TBCD: variants seen among roughly 807,000 people sequenced by gnomAD.
TBCD encodes tubulin-specific chaperone D.
A neutral mutation model predicts 169.3 loss-of-function variants in TBCD; 105 were observed. That is an observed-to-expected ratio of 0.62 (90% CI 0.53 to 0.73). The LOEUF (loss-of-function observed/expected upper bound fraction) is 0.73, where lower values mean the gene tolerates loss of function less well. TBCD is among the 30% of genes least tolerant of loss of function. The pLI, the probability that TBCD is intolerant of heterozygous loss-of-function variation, is 0.00. For missense variants in TBCD, 1,444 were observed against 1,600.1 expected, an observed-to-expected ratio of 0.90 and a Z score of 1.66; for synonymous variants, 700 against 643.9, an observed-to-expected ratio of 1.09 and a Z score of -1.32.
rs2051280325 is a variant in TBCD at position 82,809,620 on chromosome 17, T to A, written c.1149-88T>A. 5.8e-6 allele frequency: 8 copies of A among 1,371,938 alleles called. No individual in the cohort carries two copies. In the South Asian group the frequency reaches 1.0e-4, roughly 17 times the overall value. The allele number at this position is 1,371,938 out of a possible 1,614,324, so 85.0% of individuals were successfully genotyped here. On this transcript the variant is annotated intron_variant, in intron 11 of 38. Coordinates refer to ENST00000355528, the MANE Select transcript of TBCD (RefSeq NM_005993.5). Reference sequence around the variant, plus strand: ...CTCTCCTGGTCTCTGGAGGAAAGGATGGGTGTTCAGGCCATTCACACGTGT... The same window carrying A: ...CTCTCCTGGTCTCTGGAGGAAAGGAAGGGTGTTCAGGCCATTCACACGTGT...
chr17:82,766,559 T>C (rs2048027323), intron 4 of TBCD, among the ~76,000 whole-genome samples, 191 bp downstream of exon 4: 1 of 152,198 alleles, frequency 6.6e-6, no homozygotes, highest in African/African-American at 2.4e-5. Flanking sequence ...TTAAATTATT[T>C]TCGTTTAAAA....
chr17:82,915,705 G>A lies in TBCD; in HGVS notation c.2038+3916G>A, dbSNP rs555168172. ...CACCGAGGGCAGGGGCCGGGAGGAAGGGGGTCATCTGGCTCACAGCCTTGC... is the reference window on the plus strand; with the variant it reads ...CACCGAGGGCAGGGGCCGGGAGGAAAGGGGTCATCTGGCTCACAGCCTTGC... On this transcript the variant is annotated intron_variant, in intron 23 of 38. Transcript: ENST00000355528. The surrounding 1 kb of genome is among the most constrained non-coding windows in gnomAD (Gnocchi z 4.3). 6.6e-6 allele frequency among the ~76,000 whole-genome samples: 1 copy of A among 152,334 alleles called. No homozygotes were observed. Among genetic ancestry groups the A allele is most frequent in the African/African-American group, 2.4e-5 (1 of 41,574 alleles).
intron 7 of TBCD, among the ~76,000 whole-genome samples, chr17:82,790,230 C>T (rs536680442): frequency 1.3e-5 from 2 of 152,298 alleles, no homozygotes; most frequent in East Asian, 1.9e-4. Flanking sequence ...CTGTGGCTGT[C>T]GGCTGCAGTA....
intron 14 of TBCD, among the ~76,000 whole-genome samples, chr17:82,883,101 A>G (rs911344278): frequency 1.8e-4 from 28 of 152,242 alleles, no homozygotes; most frequent in African/African-American, 5.8e-4. Context: ...ACCTGGCGTC[A>G]CCATTGTCCC....
intron 29 of TBCD, among the ~76,000 whole-genome samples, chr17:82,927,527 G>A (rs1167866675): frequency 6.6e-6 from 1 of 152,212 alleles, no homozygotes; most frequent in African/African-American, 2.4e-5. Context: ...TGTCCAGCCC[G>A]TCCTCAGGTG....
In TBCD at chr17:82,831,870, G is replaced by A; in HGVS notation, c.1318+16936G>A. 6.2e-7 allele frequency: 1 copy of A among 1,614,234 alleles called. No homozygotes were observed. The highest frequency in any genetic ancestry group is 8.5e-7 in the Non-Finnish European group (1 of 1,180,036). On this transcript the variant is annotated intron_variant, in intron 13 of 38. Transcript: ENST00000355528. This position sits in a 1 kb window ranked among gnomAD's most constrained non-coding sequence, Gnocchi z 4.6. ...CAGGAGTGTGGAAGGCCGACTTGGT[G>A]TGGAAAGACACGGCCTTGGCAGTGG...
chr17:82,906,028 T>C lies in TBCD; in HGVS notation c.1897T>C (p.Tyr633His), dbSNP rs2060226473. ...CTGCGCAGAAGTTGCTTACGCCTTGTACAAACTTGCAGCCCAAGAGAACAG... is the reference window on the plus strand; with the variant it reads ...CTGCGCAGAAGTTGCTTACGCCTTGCACAAACTTGCAGCCCAAGAGAACAG... ...LACAEVAYAL[Y>H]KLAAQENRPV... The change falls in exon 20 of 39, where the codon TAC becomes CAC. Residue 633 changes from tyrosine (Y) to histidine (H), a missense_variant. Transcript: ENST00000355528. The C allele has an allele frequency of 6.2e-7, 1 of 1,610,326 alleles. No individual in the cohort carries two copies. Among genetic ancestry groups the C allele is most frequent in the Non-Finnish European group, 8.5e-7 (1 of 1,178,302 alleles).
At chr17:82,856,021 A>G (rs1201241148) in intron 13 of TBCD, among the ~76,000 whole-genome samples, 2 of 8,600 alleles carry the variant, frequency 2.3e-4, no homozygotes, top group Non-Finnish European at 4.2e-4. Context: ...TTTTTTTTGT[A>G]GAGACAGGGT....
intron 13 of TBCD, among the ~76,000 whole-genome samples, chr17:82,826,571 T>C (rs2052869040): frequency 6.6e-6 from 1 of 151,410 alleles, no homozygotes; most frequent in Admixed American, 6.6e-5. Context: ...AAACATCCCA[T>C]TGCTCAGCTA....
intron 14 of TBCD, among the ~76,000 whole-genome samples, chr17:82,871,552 G>C (rs1055348405): frequency 6.6e-6 from 1 of 152,252 alleles, no homozygotes; most frequent in Non-Finnish European, 1.5e-5. Flanking sequence ...TCCTGCAGCT[G>C]TTCAGGAGCC....
In TBCD at chr17:82,903,647, G is replaced by T. The variant is rs983376045; in HGVS notation, c.1804+169G>T. Among the ~76,000 whole-genome samples the T allele has an allele frequency of 3.9e-4, 60 of 152,248 alleles. No individual in the cohort carries two copies. Among genetic ancestry groups the T allele is most frequent in the Non-Finnish European group, 1.2e-4 (8 of 68,044 alleles). On this transcript the variant is annotated intron_variant, in intron 19 of 38. Coordinates refer to ENST00000355528, the MANE Select transcript of TBCD (RefSeq NM_005993.5). This position sits in a 1 kb window ranked among gnomAD's most constrained non-coding sequence, Gnocchi z 4.8. ...GATCAGTGGATAGGCTGTGAGGACG[G>T]ATGCGGTGAGTGTGTCCGCCTGCAG...
chr17:82,804,452 C>T (rs1598603463), intron 9 of TBCD, among the ~76,000 whole-genome samples: 2 of 152,126 alleles, frequency 1.3e-5, no homozygotes, highest in African/African-American at 2.4e-5. Flanking sequence ...GGAATCTTGA[C>T]GTGGCTCAGC....
chr17:82,874,154 G>A lies in TBCD; in HGVS notation c.1475+3774G>A, dbSNP rs993371415. Reference sequence around the variant, plus strand: ...TTGTGTGTGTGTGGGTCCCACGGTGGGAGGTGGGGTTGGGGTGAGTGTGAC... The same window carrying A: ...TTGTGTGTGTGTGGGTCCCACGGTGAGAGGTGGGGTTGGGGTGAGTGTGAC... On this transcript the variant is annotated intron_variant, in intron 14 of 38. Coordinates refer to ENST00000355528, the MANE Select transcript of TBCD (RefSeq NM_005993.5). The surrounding 1 kb of genome is among the most constrained non-coding windows in gnomAD (Gnocchi z 5.0). Among the ~76,000 whole-genome samples the A allele has an allele frequency of 6.6e-6, 1 of 152,182 alleles. No homozygotes were observed. Among genetic ancestry groups the A allele is most frequent in the African/African-American group, 2.4e-5 (1 of 41,446 alleles).
chr17:82,807,613 C>A lies in TBCD; in HGVS notation c.1093C>A (p.Leu365Met). Residue 365 changes from leucine to methionine, a missense_variant, in exon 11 of 39, where the codon CTG becomes ATG. Coordinates refer to ENST00000355528, the MANE Select transcript of TBCD (RefSeq NM_005993.5). The part of the protein sequence containing the change: ...PEGVERVIEQ[L>M]LVGLKDKDTV... ...TCACCTTCCTCTTCCTACAGAGCAGCTGCTGGTCGGGCTGAAGGACAAGGA... is the reference window on the plus strand; with the variant it reads ...TCACCTTCCTCTTCCTACAGAGCAGATGCTGGTCGGGCTGAAGGACAAGGA... The A allele has an allele frequency of 6.5e-7, 1 of 1,542,236 alleles. No individual in the cohort carries two copies. The highest frequency in any genetic ancestry group is 8.7e-7 in the Non-Finnish European group (1 of 1,143,268).
Position 82,920,329 on chromosome 17 carries a change from G to T in TBCD, c.2039-227G>T. On this transcript the variant is annotated intron_variant, in intron 23 of 38. Coordinates refer to ENST00000355528, the MANE Select transcript of TBCD (RefSeq NM_005993.5). The surrounding 1 kb of genome is among the most constrained non-coding windows in gnomAD (Gnocchi z 4.1). ...CATGGGCCTTCTGCCACGTGGCTGG[G>T]TCTGCAGCACTTTCTTCAGGCTGCT... 3.4e-6 allele frequency: 2 copies of T among 588,422 alleles called. No homozygotes were observed. The highest frequency in any genetic ancestry group is 6.0e-6 in the Non-Finnish European group (2 of 334,812). The allele number at this position is 588,422 out of a possible 1,614,324, so 36.5% of individuals were successfully genotyped here. A position where few individuals can be genotyped will look rare whatever the true frequency, so the allele number is the denominator to read the frequency against.
chr17:82,839,134 C>A (rs116061436), intron 13 of TBCD, among the ~76,000 whole-genome samples: 209 of 152,284 alleles, frequency 1.4e-3, no homozygotes, highest in African/African-American at 5.0e-3. Flanking sequence ...TTCATGTAAG[C>A]TTATGTACTT....
intron 7 of TBCD, among the ~76,000 whole-genome samples, chr17:82,784,167 A>C (rs886887267): frequency 1.3e-5 from 2 of 152,172 alleles, no homozygotes; most frequent in African/African-American, 4.8e-5. Flanking sequence ...TACTTTCAGT[A>C]CCCTTGGGTA....
At position 82,855,697 on chromosome 17, in the gene TBCD, A is replaced by G. The variant is rs185423378; in HGVS notation, c.1319-14527A>G. Among the ~76,000 whole-genome samples, 19 of 152,288 alleles carry G rather than the reference A, an allele frequency of 1.2e-4. 1 individual carries two copies. Among genetic ancestry groups the G allele is most frequent in the South Asian group, 1.2e-3 (6 of 4,822 alleles). On this transcript the variant is annotated intron_variant, in intron 13 of 38. Transcript: ENST00000355528. ...ACTCAGAGCATTTAGTACATACCCA[A>G]TGTTGCACAGCTATTACTTCTGTCT... is the stretch of plus-strand genomic sequence containing the variant.
intron 6 of TBCD, among the ~76,000 whole-genome samples, chr17:82,781,084 C>T (rs979800853): frequency 2.6e-5 from 4 of 151,928 alleles, no homozygotes; most frequent in Non-Finnish European, 4.4e-5. Flanking sequence ...TGGGGCTACA[C>T]GAGCAGCTGG....
Sources: gnomAD v4.1 joint callset for allele counts (sites outside exome capture counted in the v4.1 genomes callset) on GRCh38, gnomAD v4.1.1 for gene constraint, Gnocchi (gnomAD v3.1) non-coding constraint, MANE v1.5 for transcripts, NCBI Gene and HGNC (gene_info 2026-07-23, HGNC 2026-07-21) for gene names.